The following TMEM150B variants were observed in gnomAD, a reference collection of about 807,000 sequenced individuals.
TMEM150B encodes the protein transmembrane protein 150B.
A neutral mutation model predicts 25.2 loss-of-function variants in TMEM150B; 33 were observed. The ratio of observed to expected loss-of-function variants is 1.31; its 90% CI spans 0.99 to 1.75. The LOEUF (loss-of-function observed/expected upper bound fraction) is 1.75, where lower values mean the gene tolerates loss of function less well. Among genes scored for constraint, TMEM150B ranks in the 40% most tolerant of loss-of-function variants. TMEM150B has a pLI of 0.00. For synonymous variants in TMEM150B, 133 were observed against 134.8 expected, an observed-to-expected ratio of 0.99 and a Z score of 0.09; for missense variants, 322 against 306.1, an observed-to-expected ratio of 1.05 and a Z score of -0.39.
chr19:55,311,941 C>T, downstream of TMEM150B: 1 of 1,611,340 alleles, frequency 6.2e-7, no homozygotes, highest in Non-Finnish European at 8.5e-7. Context: ...ACCCGGCCTG[C>T]TGGTGCCCCA....
At chr19:55,316,192 A>G (rs2088990479) in intron 7 of TMEM150B, among the ~76,000 whole-genome samples, 1 of 152,144 alleles carries the variant, frequency 6.6e-6, no homozygotes, top group African/African-American at 2.4e-5. Context: ...GGCTATTTCA[A>G]GCTACTCACA....
At chr19:55,312,313 T>A (rs1202760103), downstream of TMEM150B, 1 of 193,498 alleles carries the variant, frequency 5.2e-6, no homozygotes, top group Non-Finnish European at 9.9e-6. Context: ...TATTGATCAA[T>A]CTCTCTGCGG....
In TMEM150B at chr19:55,313,051, G is replaced by C. The variant is rs1356491667; in HGVS notation, c.510C>G (p.Ile170Met). 4 of 1,609,266 alleles carry C rather than the reference G, an allele frequency of 2.5e-6. No individual in the cohort carries two copies. The highest frequency in any genetic ancestry group is 1.7e-5 in the Admixed American group (1 of 59,556). The change falls in exon 8 of 8, where the codon ATC becomes ATG. Residue 170 changes from isoleucine to methionine, a missense_variant. Ile to Met is a conservative substitution (Grantham distance 10). Transcript: ENST00000326652. ...TACGCAGCGAGCAGGCGTGGAGGACGATCACTGCCCCAGGGTCAAGGGCCA... is the reference window on the plus strand; with the variant it reads ...TACGCAGCGAGCAGGCGTGGAGGACCATCACTGCCCCAGGGTCAAGGGCCA... ...SVCTILIVAM[I>M]VLHACSLRSV...
chr19:55,312,713 A>AG, downstream of TMEM150B: 2 of 779,698 alleles, frequency 2.6e-6, no homozygotes, highest in Non-Finnish European at 3.8e-6. Context: ...GCCGGCACAC[A>AG]GGTCCTCCGG....
Position 55,320,637 on chromosome 19 carries a change from G to A in TMEM150B, c.69-20C>T. On this transcript the variant is annotated intron_variant, in intron 3 of 7. Transcript: ENST00000326652. ...GCAAAACTACGGAGGAAATCAGAGTGAGTGGGCGACTCTCACCAACAACTT... is the reference window on the plus strand; with the variant it reads ...GCAAAACTACGGAGGAAATCAGAGTAAGTGGGCGACTCTCACCAACAACTT... 1 of 1,605,396 alleles carries A rather than the reference G, an allele frequency of 6.2e-7. No homozygotes were observed. The highest frequency in any genetic ancestry group is 8.5e-7 in the Non-Finnish European group (1 of 1,173,078).
At chr19:55,324,650 A>G (rs1027820081) in intron 1 of TMEM150B, 11 of 917,680 alleles carry the variant, frequency 1.2e-5, no homozygotes, top group Admixed American at 6.2e-5. Context: ...TCCGTCTCCA[A>G]AAATAAATAA....
intron 2 of TMEM150B, among the ~76,000 whole-genome samples, chr19:55,321,457 G>T (rs1393797475): frequency 6.6e-6 from 1 of 152,060 alleles, no homozygotes; most frequent in East Asian, 1.9e-4. Flanking sequence ...ATGGGGCTCA[G>T]ACAGGCCAAG....
rs779926945 is a variant in TMEM150B, at chr19:55,320,027, A to T, written c.324+12T>A. On this transcript the variant is annotated intron_variant, in intron 6 of 7. Transcript: ENST00000326652. ...CGGCCGGGACAGACCCTGGGCGCCG[A>T]CTGGGTCTCACCTGGAAATTGCCTA... is the stretch of plus-strand genomic sequence containing the variant. 1 of 1,613,972 alleles carries T rather than the reference A, an allele frequency of 6.2e-7. No individual in the cohort carries two copies. Among genetic ancestry groups the T allele is most frequent in the Non-Finnish European group, 8.5e-7 (1 of 1,179,966 alleles).
At chr19:55,309,649 C>A (rs1438002049), downstream of TMEM150B, among the ~76,000 whole-genome samples, 1 of 152,152 alleles carries the variant, frequency 6.6e-6, no homozygotes, top group East Asian at 1.9e-4. Flanking sequence ...AAGGCCCCAC[C>A]CTCATGACCT....
chr19:55,319,968 C>T, intron 6 of TMEM150B, 71 bp downstream of exon 6: 3 of 1,607,902 alleles, frequency 1.9e-6, no homozygotes, highest in Non-Finnish European at 2.6e-6. Flanking sequence ...AGCCTATGGC[C>T]ACGGGGCATG....
In TMEM150B at chr19:55,320,106, G is replaced by A; in HGVS notation, c.257C>T (p.Pro86Leu). 2 of 1,614,184 alleles carry A rather than the reference G, an allele frequency of 1.2e-6. No homozygotes were observed. Among genetic ancestry groups the A allele is most frequent in the Non-Finnish European group, 1.7e-6 (2 of 1,180,028 alleles). ...ACCCGTCCATAGGATCAGCTGGTTAGGCCACCTTCTGACGCCCCAGTCCCG... is the reference window on the plus strand; with the variant it reads ...ACCCGTCCATAGGATCAGCTGGTTAAGCCACCTTCTGACGCCCCAGTCCCG... The part of the protein sequence containing the change: ...QLRDWGVRRW[P>L]NQLILWTGLL... The change falls in exon 6 of 8, where the codon CCT becomes CTT. Residue 86 changes from proline to leucine, a missense_variant. Physicochemically the swap from Pro to Leu is moderately conservative, Grantham distance 98. Coordinates refer to ENST00000326652, the MANE Select transcript of TMEM150B (RefSeq NM_001282011.2).
At chr19:55,323,501 C>T (rs1600235474) in intron 1 of TMEM150B, among the ~76,000 whole-genome samples, 2 of 151,846 alleles carry the variant, frequency 1.3e-5, no homozygotes, top group Non-Finnish European at 2.9e-5. Context: ...CAACCATCGC[C>T]TCTTTCTTTT....
At chr19:55,311,928 C>A (rs2088807945), downstream of TMEM150B, 3 of 1,611,682 alleles carry the variant, frequency 1.9e-6, no homozygotes, top group Non-Finnish European at 2.5e-6. Context: ...GAACGGGGCC[C>A]AGACCCGGCC....
chr19:55,320,981 C>A lies in TMEM150B; in HGVS notation c.56G>T (p.Gly19Val). 6.2e-7 allele frequency: 1 copy of A among 1,613,952 alleles called. No homozygotes were observed. Among genetic ancestry groups the A allele is most frequent in the African/African-American group, 1.3e-5 (1 of 75,026 alleles). Reference protein sequence around the residue: ...PVFLAVWAISGVWIVFAIAVT... With the variant: ...PVFLAVWAISVVWIVFAIAVT... ...CTCTGACACTCACACGATCCAGACG[C>A]CAGAGATAGCCCAGACAGCTAGGAA... The change falls in exon 3 of 8, where the codon GGC (glycine) becomes GTC (valine). Residue 19 changes from glycine to valine, a missense_variant. By Grantham distance (109) the Gly-to-Val change is moderately radical. Transcript: ENST00000326652.
In TMEM150B at chr19:55,320,742, T is replaced by TCCCTCAG. The variant is rs1278671110; in HGVS notation, c.69-132_69-126dup. ...AGGAGTCCAGGCCCCCAGCCCCTCC[T>TCCCTCAG]CCCTCAGACCCAGGAGTCCAGATCC... On this transcript the variant is annotated intron_variant, in intron 3 of 7. Coordinates refer to ENST00000326652, the MANE Select transcript of TMEM150B (RefSeq NM_001282011.2). 70 of 1,037,520 alleles carry TCCCTCAG rather than the reference T, an allele frequency of 6.7e-5. No individual in the cohort carries two copies. In the South Asian group the frequency reaches 9.8e-4, roughly 15 times the overall value. The allele number at this position is 1,037,520 out of a possible 1,614,324, so 64.3% of individuals were successfully genotyped here.
intron 1 of TMEM150B, among the ~76,000 whole-genome samples, chr19:55,323,408 G>C (rs929290257): frequency 1.3e-5 from 2 of 151,624 alleles, no homozygotes; most frequent in Non-Finnish European, 2.9e-5. Flanking sequence ...CTCCAGCCTG[G>C]GTGACAAGAG....
chr19:55,316,511 C>G (rs1296321585), intron 7 of TMEM150B, among the ~76,000 whole-genome samples: 1 of 152,092 alleles, frequency 6.6e-6, no homozygotes, highest in African/African-American at 2.4e-5. Context: ...GAGGTCAGCC[C>G]TGTCGTTATC....
rs577667171 is a variant in TMEM150B, at chr19:55,321,762, T to C, written c.-57-669A>G. The stretch of plus-strand genomic sequence containing the variant: ...GTTCCTCCTAGAATACAGATATTCT[T>C]CTCCAGCTCCTGATGTCCAACCTCC... On this transcript the variant is annotated intron_variant, in intron 2 of 7. Transcript: ENST00000326652. Among the ~76,000 whole-genome samples the C allele has an allele frequency of 5.3e-5, 8 of 152,130 alleles. No homozygotes were observed. In the South Asian group the frequency reaches 1.2e-3, roughly 24 times the overall value.
chr19:55,311,767 C>G (rs898171685), downstream of TMEM150B: 2 of 829,998 alleles, frequency 2.4e-6, no homozygotes, highest in African/African-American at 3.5e-5. Context: ...AGGTGCTGGA[C>G]GGACTGGGCC....
Sources: allele counts gnomAD v4.1 joint callset (sites outside exome capture counted in the v4.1 genomes callset), GRCh38; gene constraint gnomAD v4.1.1; transcripts MANE v1.5; gene names NCBI Gene and HGNC (gene_info 2026-07-23, HGNC 2026-07-21).